Variants in ZRSR2 observed in about 807,000 individuals in gnomAD.
The protein encoded by ZRSR2 is zinc finger CCCH-type, RNA binding motif and serine/arginine rich 2.
Under a neutral mutation model 39.4 loss-of-function variants are expected in ZRSR2, and 3 were observed. The observed-to-expected ratio is 0.08, with a 90% CI of 0.03 to 0.20. The LOEUF is 0.20. ZRSR2 is among the 10% of genes least tolerant of loss of function. The pLI is 1.00. For synonymous variants in ZRSR2, 137 were observed against 136.0 expected (o/e 1.01, Z -0.05); for missense variants, 256 against 391.5 (o/e 0.65, Z 2.92).
intron 3 of ZRSR2, among the ~76,000 whole-genome samples, chrX:15,800,313 A>T (rs751155595): frequency 1.7e-4 from 18 of 105,823 alleles, no homozygotes; most frequent in Non-Finnish European, 9.6e-5. Flanking sequence ...CAGCCTTCCG[A>T]GTAGCTGGGA....
At chrX:15,800,186 CTTTTT>C (rs752445746) in intron 3 of ZRSR2, among the ~76,000 whole-genome samples, 2 of 79,307 alleles carry the variant, frequency 2.5e-5, no homozygotes, top group East Asian at 4.0e-4. Context: ...TTTTTTCTTT[CTTTTT>C]TTTTTTTTTT....
intron 5 of ZRSR2, 78 bp from the exon 6 acceptor site, chrX:15,808,155 A>G: frequency 1.1e-6 from 1 of 876,599 alleles, no homozygotes; most frequent in Non-Finnish European, 1.7e-6. Flanking sequence ...GTTCCACTTG[A>G]GATTCTTAAC....
chrX:15,819,971 C>T (rs988697037), intron 9 of ZRSR2, among the ~76,000 whole-genome samples: 3 of 111,928 alleles, frequency 2.7e-5, no homozygotes, highest in African/African-American at 6.5e-5. Context: ...TGGATTAAGA[C>T]GGTTTCATTC....
At chrX:15,793,134 G>A (rs12009515) in intron 2 of ZRSR2, among the ~76,000 whole-genome samples, 3,369 of 111,568 alleles carry the variant, frequency 0.03, 111 homozygotes, top group African/African-American at 0.1. Context: ...ATTGTACTTC[G>A]TCTCTCCCCC....
At chrX:15,807,275 G>T (rs1285840850) in intron 5 of ZRSR2, among the ~76,000 whole-genome samples, 2 of 110,991 alleles carry the variant, frequency 1.8e-5, no homozygotes, top group African/African-American at 6.6e-5. Flanking sequence ...TGTTTTTTGG[G>T]TTTTTTCGTT....
At chrX:15,815,965 C>A in intron 8 of ZRSR2, 75 bp downstream of exon 8, 1 of 905,693 alleles carries the variant, frequency 1.1e-6, no homozygotes, top group Non-Finnish European at 1.5e-6. Flanking sequence ...AGCTGGGACA[C>A]AGGCTCAGCT....
At chrX:15,813,147 A>G (rs1375290028) in intron 7 of ZRSR2, among the ~76,000 whole-genome samples, 1 of 112,085 alleles carries the variant, frequency 8.9e-6, no homozygotes, top group Non-Finnish European at 1.9e-5. Flanking sequence ...TCAGTTAGCT[A>G]TACCCGAGGG....
Position 15,814,833 on chromosome X carries a change from T to C in ZRSR2, c.558-844T>C, listed in dbSNP as rs748828436. On this transcript the variant is annotated intron_variant, in intron 7 of 10. Coordinates refer to ENST00000307771, the MANE Select transcript of ZRSR2 (RefSeq NM_005089.4). Reference sequence around the variant, plus strand: ...GGATAAAAGGACCAGAGGGGAAAAATGTAAAAATGCCATGAAAGCTACAAG... The same window carrying C: ...GGATAAAAGGACCAGAGGGGAAAAACGTAAAAATGCCATGAAAGCTACAAG... Among the ~76,000 whole-genome samples, 499 of 111,498 alleles carry C rather than the reference T, an allele frequency of 4.5e-3. 4 individuals are homozygous for C. Among genetic ancestry groups the C allele is most frequent in the African/African-American group, 0.016 (480 of 30,657 alleles).
intron 2 of ZRSR2, among the ~76,000 whole-genome samples, chrX:15,791,538 C>T (rs1402708952): frequency 1.1e-4 from 12 of 111,184 alleles, no homozygotes; most frequent in Non-Finnish European, 2.1e-4. Context: ...TGCACAACCA[C>T]GGCTCACAGC....
At chrX:15,816,310 C>T (rs1012712481) in intron 8 of ZRSR2, among the ~76,000 whole-genome samples, 3 of 111,860 alleles carry the variant, frequency 2.7e-5, no homozygotes, top group African/African-American at 3.3e-5. Context: ...ACTTCACTCA[C>T]TAAGTTTGTT....
Position 15,801,913 on chromosome X carries a change from T to C in ZRSR2, c.204-1775T>C, listed in dbSNP as rs1258809402. The C allele has an allele frequency of 2.7e-5, 3 of 112,616 alleles. No individual in the cohort carries two copies. In the Admixed American group the frequency reaches 2.8e-4, roughly 11 times the overall value. The allele number at this position is 112,616 out of a possible 1,213,427, so 9.3% of individuals were successfully genotyped here. On this transcript the variant is annotated intron_variant, in intron 3 of 10. Coordinates refer to ENST00000307771, the MANE Select transcript of ZRSR2 (RefSeq NM_005089.4). ...ACTTTATGTCCTATTTCAAAGCAGA[T>C]GTATATTCAAGTTATTAAATTTTAA...
intron 3 of ZRSR2, among the ~76,000 whole-genome samples, chrX:15,802,038 G>T (rs753446878): frequency 1.5e-3 from 165 of 111,743 alleles, no homozygotes; most frequent in African/African-American, 5.2e-3. Context: ...AATCAGAGTT[G>T]TGCCCACTGA....
chrX:15,796,797 T>G (rs1232849699), intron 2 of ZRSR2, among the ~76,000 whole-genome samples: 4 of 82,432 alleles, frequency 4.9e-5, no homozygotes, highest in African/African-American at 9.0e-5. Context: ...TTTTTTTTTT[T>G]TTTTTTTTTT....
chrX:15,820,407 T>C, intron 10 of ZRSR2, 91 bp downstream of exon 10: 1 of 859,833 alleles, frequency 1.2e-6, no homozygotes, highest in Non-Finnish European at 1.7e-6. Context: ...TTTCAAGTGG[T>C]GAGGCATAGC....
Position 15,823,096 on chromosome X carries a change from C to G in ZRSR2, c.1303C>G (p.Arg435Gly). The G allele has an allele frequency of 1.7e-6, 2 of 1,205,547 alleles. No individual in the cohort carries two copies. Among genetic ancestry groups the G allele is most frequent in the Non-Finnish European group, 2.2e-6 (2 of 892,128 alleles). ...RNRDRSRDRS[R>G]GRGSRSRSRS... Reference sequence around the variant, plus strand: ...TAGGGACCGCAGCAGGGACCGCAGCCGGGGCCGGGGCAGCCGGAGCCGGAG... The same window carrying G: ...TAGGGACCGCAGCAGGGACCGCAGCGGGGGCCGGGGCAGCCGGAGCCGGAG... Residue 435 changes from arginine (R) to glycine (G), a missense_variant, in exon 11 of 11, where the codon CGG (arginine) becomes GGG (glycine). Around this residue, in one of 3 missense-constraint regions of ZRSR2, gnomAD observed 111 missense variants for 116.7 expected, o/e 0.95. Transcript: ENST00000307771.
intron 3 of ZRSR2, among the ~76,000 whole-genome samples, chrX:15,802,351 A>G (rs1408884083): frequency 8.9e-6 from 1 of 112,585 alleles, no homozygotes; most frequent in Non-Finnish European, 1.9e-5. Context: ...CCCCCTCTTT[A>G]TATTAGAAAT....
intron 9 of ZRSR2, among the ~76,000 whole-genome samples, chrX:15,819,558 CAG>C (rs998269268): frequency 2.7e-5 from 3 of 110,079 alleles, no homozygotes; most frequent in Non-Finnish European, 5.7e-5. Context: ...GCCTGGGGGA[CAG>C]AGTGAGAGTA....
intron 2 of ZRSR2, among the ~76,000 whole-genome samples, chrX:15,797,084 G>A (rs1320110635): frequency 3.7e-5 from 4 of 107,727 alleles, no homozygotes; most frequent in African/African-American, 1.0e-4. Context: ...ATGAGCCACC[G>A]CTCCCTGGCC....
At chrX:15,793,274 G>C (rs1266395336) in intron 2 of ZRSR2, among the ~76,000 whole-genome samples, 3 of 111,142 alleles carry the variant, frequency 2.7e-5, no homozygotes, top group African/African-American at 9.8e-5. Flanking sequence ...GCTGGTATTT[G>C]TATTGTTTTG....
Sources: gnomAD v4.1 joint callset for allele counts (sites outside exome capture counted in the v4.1 genomes callset) on GRCh38, gnomAD v4.1.1 for gene constraint, gnomAD v4.1.1 regional missense constraint, MANE v1.5 for transcripts, NCBI Gene and HGNC (gene_info 2026-07-23, HGNC 2026-07-21) for gene names.